PRSS27: variants seen among roughly 807,000 people sequenced by gnomAD.
The protein encoded by PRSS27 is serine protease 27, also known as channel-activating protease 2.
PRSS27 carries 25 observed loss-of-function variants against 32.0 expected under a neutral mutation model. That is an observed-to-expected ratio of 0.78 (90% CI 0.57 to 1.09). The LOEUF is 1.09. Among genes scored for constraint, PRSS27 ranks in the 50% least tolerant of loss-of-function variants. PRSS27 has a pLI of 0.00. For missense variants in PRSS27, 401 were observed against 394.9 expected, an observed-to-expected ratio of 1.02 and a Z score of -0.13; for synonymous variants, 178 against 172.2, an observed-to-expected ratio of 1.03 and a Z score of -0.26.
At chr16:2,719,650 G>C (rs2067722965) in intron 1 of PRSS27, among the ~76,000 whole-genome samples, 1 of 152,182 alleles carries the variant, frequency 6.6e-6, no homozygotes, top group South Asian at 2.1e-4. Context: ...CCTGCAGCCA[G>C]CCTGCTGGGG....
intron 2 of PRSS27, chr16:2,716,207 A>G: frequency 1.7e-6 from 1 of 572,082 alleles, no homozygotes. Context: ...AACAGGTGTC[A>G]AGCCCTCTGC....
Position 2,714,180 on chromosome 16 carries a change from C to G in PRSS27, c.393G>C (p.Glu131Asp). ...TGTAATTGGTGAAGGGCACTGGTGC[C>G]TCCAGCTCCACCAGGGCCACGTCAG... is the stretch of plus-strand genomic sequence containing the variant. ...SSADVALVELEAPVPFTNYIL... is the reference protein window; with the variant it reads ...SSADVALVELDAPVPFTNYIL... Residue 131 changes from glutamate (E) to aspartate (D), a missense_variant, in exon 4 of 6, where the codon GAG (glutamate) becomes GAC (aspartate). Transcript: ENST00000302641. This position sits in a 1 kb window ranked among gnomAD's most constrained non-coding sequence, Gnocchi z 4.7. 4.3e-6 allele frequency: 7 copies of G among 1,614,112 alleles called. No homozygotes were observed. Among genetic ancestry groups the G allele is most frequent in the Non-Finnish European group, 5.9e-6 (7 of 1,180,030 alleles).
At position 2,716,481 on chromosome 16, in the gene PRSS27, C is replaced by G; in HGVS notation, c.73+19G>C. On this transcript the variant is annotated intron_variant, in intron 2 of 5. Coordinates refer to ENST00000302641, the MANE Select transcript of PRSS27 (RefSeq NM_031948.5). ...CAGCCGGCTCCTGTCCCTCCCACCC[C>G]AGGGCCCTGGGTGCTTACCTGTTGC... 1.2e-6 allele frequency: 2 copies of G among 1,603,282 alleles called. No individual in the cohort carries two copies. Among genetic ancestry groups the G allele is most frequent in the Non-Finnish European group, 1.7e-6 (2 of 1,176,442 alleles).
chr16:2,720,125 C>G lies in PRSS27; in HGVS notation c.36G>C (p.Leu12=). The G allele has an allele frequency of 6.2e-7, 1 of 1,603,984 alleles. No homozygotes were observed. Among genetic ancestry groups the G allele is most frequent in the Non-Finnish European group, 8.5e-7 (1 of 1,175,678 alleles). The change falls in exon 1 of 6, where the codon CTG becomes CTC. Residue 12 remains leucine, a synonymous_variant. Coordinates refer to ENST00000302641, the MANE Select transcript of PRSS27 (RefSeq NM_031948.5). ...RRPAAVPLLL[L]LCFGSQRAKA... ...ACCTTCACGACTCACCAAAACACAGCAGCAGCAGGAGCGGCACCGCCGCCG... is the reference window on the plus strand; with the variant it reads ...ACCTTCACGACTCACCAAAACACAGGAGCAGCAGGAGCGGCACCGCCGCCG...
In PRSS27 at chr16:2,716,545, T is replaced by A; in HGVS notation, c.47-19A>T. The stretch of plus-strand genomic sequence containing the variant: ...TGAGACCCTGGAAGTGAGGAGAGGG[T>A]GATCAGCCAGGCCAGCTGCAGCCTG... On this transcript the variant is annotated intron_variant, in intron 1 of 5. Coordinates refer to ENST00000302641, the MANE Select transcript of PRSS27 (RefSeq NM_031948.5). The A allele has an allele frequency of 1.3e-6, 2 of 1,594,220 alleles. No homozygotes were observed. Among genetic ancestry groups the A allele is most frequent in the Non-Finnish European group, 1.7e-6 (2 of 1,174,546 alleles).
chr16:2,716,684 T>G, intron 1 of PRSS27, 158 bp from the exon 2 acceptor site: 1 of 698,634 alleles, frequency 1.4e-6, no homozygotes, highest in East Asian at 2.7e-5. Context: ...GCCTGCAGTT[T>G]CCCCCCCAGG....
chr16:2,718,605 C>T (rs1433480572), intron 1 of PRSS27: 3 of 152,266 alleles, frequency 2.0e-5, no homozygotes, highest in African/African-American at 7.2e-5. Flanking sequence ...GCGTGAGCCA[C>T]CGCTCCCAGC....
chr16:2,713,096 T>C, intron 5 of PRSS27: 1 of 514,162 alleles, frequency 1.9e-6, no homozygotes, highest in Non-Finnish European at 3.4e-6. Context: ...AGGAATCTGC[T>C]TTTTCTTTTT....
intron 2 of PRSS27, chr16:2,716,279 C>A (rs1315061460): frequency 3.3e-6 from 2 of 608,294 alleles, no homozygotes; most frequent in African/African-American, 1.8e-5. Context: ...CTGCCGCCCT[C>A]ATCCTGCACC....
In PRSS27 at chr16:2,713,625, G is replaced by C. The variant is rs758325203; in HGVS notation, c.582C>G (p.Leu194=). The stretch of plus-strand genomic sequence containing the variant: ...AGCCAAACTCGGTGTCTTTGCTGTA[G>C]AGCAGGTTGCACTTGGGTGTGTCGA... ...PIIDTPKCNL[L]YSKDTEFGYQ... is the part of the protein sequence containing the mutation. Residue 194 remains leucine, a synonymous_variant, in exon 5 of 6, where the codon CTC becomes CTG. Coordinates refer to ENST00000302641, the MANE Select transcript of PRSS27 (RefSeq NM_031948.5). The C allele has an allele frequency of 1.3e-5, 21 of 1,614,092 alleles. No individual in the cohort carries two copies. In the African/African-American group the frequency reaches 2.5e-4, roughly 19 times the overall value.
At position 2,720,206 on chromosome 16, in the gene PRSS27, G is replaced by A. The variant is rs2067727351; in HGVS notation, c.-46C>T. The A allele has an allele frequency of 6.5e-7, 1 of 1,538,538 alleles. No individual in the cohort carries two copies. Among genetic ancestry groups the A allele is most frequent in the African/African-American group, 1.4e-5 (1 of 73,284 alleles). On this transcript the variant is annotated 5_prime_UTR_variant, in exon 1 of 6. Coordinates refer to ENST00000302641, the MANE Select transcript of PRSS27 (RefSeq NM_031948.5). ...CGCAGGGCCGTGGTCGGCGGTGGCA[G>A]AAGCGTTGGAGCACGAGCGAGGTGC...
chr16:2,713,487 G>A lies in PRSS27; in HGVS notation c.678+42C>T, dbSNP rs773715151. On this transcript the variant is annotated intron_variant, in intron 5 of 5. Coordinates refer to ENST00000302641, the MANE Select transcript of PRSS27 (RefSeq NM_031948.5). Reference sequence around the variant, plus strand: ...ATGATCCCACCCTGCCCTGGGCCTGGCGGTGGGGACTGAGTCCCCATGGAC... The same window carrying A: ...ATGATCCCACCCTGCCCTGGGCCTGACGGTGGGGACTGAGTCCCCATGGAC... 4 of 1,597,954 alleles carry A rather than the reference G, an allele frequency of 2.5e-6. No individual in the cohort carries two copies. In the Admixed American group the frequency reaches 5.0e-5, roughly 20 times the overall value.
At position 2,716,177 on chromosome 16, in the gene PRSS27, A is replaced by T. The variant is rs1399812959; in HGVS notation, c.74-297T>A. ...GGTCTTGTCCCAGGGCCTGACCCAAACAGGTGCCTGGAAGGATAGAACAGG... is the reference window on the plus strand; with the variant it reads ...GGTCTTGTCCCAGGGCCTGACCCAATCAGGTGCCTGGAAGGATAGAACAGG... On this transcript the variant is annotated intron_variant, in intron 2 of 5. Coordinates refer to ENST00000302641, the MANE Select transcript of PRSS27 (RefSeq NM_031948.5). 11 of 555,760 alleles carry T rather than the reference A, an allele frequency of 2.0e-5. No individual in the cohort carries two copies. In the African/African-American group the frequency reaches 2.1e-4, roughly 10 times the overall value. 34.4% of individuals were successfully genotyped at this position (555,760 alleles called of 1,614,324 possible). A position where few individuals can be genotyped will look rare whatever the true frequency, so the allele number is the denominator to read the frequency against.
intron 3 of PRSS27, chr16:2,715,397 A>C: frequency 3.3e-6 from 1 of 301,072 alleles, no homozygotes; most frequent in East Asian, 7.1e-5. Flanking sequence ...GGGATGGGGA[A>C]AGGCCAGGAG....
intron 3 of PRSS27, 99 bp downstream of exon 3, chr16:2,715,619 C>A: frequency 3.0e-6 from 3 of 988,414 alleles, no homozygotes; most frequent in South Asian, 3.6e-5. Flanking sequence ...GGAGGTCACC[C>A]GCAGGATTTG....
chr16:2,713,466 T>TCCCACCCTGCCCTGGGCCTGGC (rs759692166), intron 5 of PRSS27, 63 bp downstream of exon 5: 36 of 1,547,348 alleles, frequency 2.3e-5, no homozygotes, highest in Admixed American at 8.3e-5. Flanking sequence ...CGGGGCATGA[T>TCCCACCCTGCCCTGGGCCTGGC]CCCACCCTGC....
At chr16:2,715,515 G>T in intron 3 of PRSS27, 5 of 511,726 alleles carry the variant, frequency 9.8e-6, no homozygotes, top group Non-Finnish European at 1.7e-5. Flanking sequence ...GGCACCTCCC[G>T]CGGGCGGGAG....
chr16:2,713,101 CTT>C (rs879070151), intron 5 of PRSS27: 816 of 412,640 alleles, frequency 2.0e-3, no homozygotes, highest in South Asian at 2.7e-3. Flanking sequence ...TCTGCTTTTT[CTT>C]TTTTTTTTTT....
chr16:2,718,321 T>A (rs1289849439), intron 1 of PRSS27: 2 of 151,048 alleles, frequency 1.3e-5, no homozygotes, highest in Non-Finnish European at 2.9e-5. Context: ...TAGTCTTTTT[T>A]TTTTTTTTTT....
Sources: allele counts gnomAD v4.1 joint callset (sites outside exome capture counted in the v4.1 genomes callset), GRCh38; gene constraint gnomAD v4.1.1; non-coding constraint Gnocchi (gnomAD v3.1); transcripts MANE v1.5; gene names NCBI Gene and HGNC (gene_info 2026-07-23, HGNC 2026-07-21).